Variants in FBXL7 observed in about 807,000 individuals in gnomAD.
The protein encoded by FBXL7 is F-box and leucine rich repeat protein 7.
FBXL7 carries 12 observed loss-of-function variants against 38.3 expected under a neutral mutation model. The ratio of observed to expected loss-of-function variants is 0.31; its 90% confidence interval spans 0.20 to 0.51. FBXL7 has a LOEUF of 0.51. Among genes scored for constraint, FBXL7 ranks in the 20% least tolerant of loss-of-function variants. The pLI is 0.98. For missense variants in FBXL7, 567 were observed against 676.4 expected (o/e 0.84, Z 1.79); for synonymous variants, 297 against 300.9 (o/e 0.99, Z 0.13).
rs144957859 is a variant in FBXL7 at position 15,837,048 on chromosome 5, A to G, written c.128-90842A>G. ...AATATCCAGAATTAGATAGAATTAC[A>G]TAGTATATGGCTGAAATATTGTGTC... is the stretch of plus-strand genomic sequence containing the variant. On this transcript the variant is annotated intron_variant, in intron 2 of 3. Transcript: ENST00000504595. Among the ~76,000 whole-genome samples the G allele has an allele frequency of 2.4e-3, 368 of 152,288 alleles. 2 individuals are homozygous for G. Among genetic ancestry groups the G allele is most frequent in the African/African-American group, 8.4e-3 (351 of 41,566 alleles).
At chr5:15,787,709 A>G (rs1487266958) in intron 2 of FBXL7, among the ~76,000 whole-genome samples, 2 of 152,184 alleles carry the variant, frequency 1.3e-5, no homozygotes, top group Non-Finnish European at 2.9e-5. Flanking sequence ...GAATTACTGC[A>G]AGGAAAGAAA....
chr5:15,700,082 G>A (rs140018852), intron 2 of FBXL7, among the ~76,000 whole-genome samples: 9 of 152,306 alleles, frequency 5.9e-5, no homozygotes, highest in African/African-American at 1.9e-4. Flanking sequence ...AATTAAAGGT[G>A]TTGTCGATGT....
In FBXL7 at chr5:15,519,826, G is replaced by A. The variant is rs541045918; in HGVS notation, c.37+19113G>A. ...TCCTATCCCCTTTTGTTACAGGAAA[G>A]GAGTCCAGATCCAGACCCTAAGAGA... On this transcript the variant is annotated intron_variant, in intron 1 of 3. Transcript: ENST00000504595. Among the ~76,000 whole-genome samples, 12 of 152,296 alleles carry A rather than the reference G, an allele frequency of 7.9e-5. No individual in the cohort carries two copies. In the Middle Eastern group the frequency reaches 0.01, roughly 130 times the overall value.
chr5:15,670,820 A>G (rs1363713423), intron 2 of FBXL7, among the ~76,000 whole-genome samples: 1 of 149,190 alleles, frequency 6.7e-6, no homozygotes, highest in Non-Finnish European at 1.5e-5. Flanking sequence ...AAAAATAAAA[A>G]TAAAAAAAAA....
intron 2 of FBXL7, among the ~76,000 whole-genome samples, chr5:15,798,261 T>C (rs1399219983): frequency 6.6e-6 from 1 of 152,152 alleles, no homozygotes; most frequent in East Asian, 1.9e-4. Context: ...GCCAGGCCCC[T>C]CCACCGCTCT....
intron 2 of FBXL7, among the ~76,000 whole-genome samples, chr5:15,885,921 G>A (rs1030209806): frequency 5.3e-5 from 8 of 151,578 alleles, no homozygotes; most frequent in South Asian, 4.2e-4. Flanking sequence ...AGGTTTCACC[G>A]TGTAGCCCAG....
At chr5:15,638,295 A>G (rs1206997036) in intron 2 of FBXL7, among the ~76,000 whole-genome samples, 2 of 152,168 alleles carry the variant, frequency 1.3e-5, no homozygotes, top group East Asian at 1.9e-4. Context: ...ATTGGAACAT[A>G]GGGTTGTTCC....
intron 2 of FBXL7, among the ~76,000 whole-genome samples, chr5:15,856,536 C>T (rs1470635501): frequency 6.6e-6 from 1 of 151,708 alleles, no homozygotes; most frequent in Non-Finnish European, 1.5e-5. Flanking sequence ...GCACATGTAC[C>T]CCCAAACTGA....
At chr5:15,831,229 A>G (rs257736) in intron 2 of FBXL7, among the ~76,000 whole-genome samples, 72,157 of 151,988 alleles carry the variant, frequency 0.47, 20,485 homozygotes, top group Non-Finnish European at 0.63. Context: ...GTTTTGTCTC[A>G]GGTATCTGAG....
At chr5:15,815,427 C>G (rs1737988254) in intron 2 of FBXL7, among the ~76,000 whole-genome samples, 1 of 152,168 alleles carries the variant, frequency 6.6e-6, no homozygotes, top group Non-Finnish European at 1.5e-5. Context: ...ATGATGTTAG[C>G]AACTTTTCCT....
chr5:15,694,891 C>T (rs4702101), intron 2 of FBXL7, among the ~76,000 whole-genome samples: 17 of 152,054 alleles, frequency 1.1e-4, no homozygotes, highest in South Asian at 2.1e-4. Context: ...GAAGAACAGC[C>T]GAGTAAGGTT....
chr5:15,897,147 T>C (rs2126401343), intron 2 of FBXL7, among the ~76,000 whole-genome samples: 1 of 152,230 alleles, frequency 6.6e-6, no homozygotes, highest in East Asian at 1.9e-4. Flanking sequence ...TATATATACG[T>C]ATATATTTTT....
intron 2 of FBXL7, among the ~76,000 whole-genome samples, chr5:15,634,278 A>G (rs1269545476): frequency 6.7e-6 from 1 of 148,752 alleles, no homozygotes; most frequent in African/African-American, 2.5e-5. Flanking sequence ...CTATTATTGC[A>G]TAACAAATCA....
chr5:15,688,956 G>C (rs1388272748), intron 2 of FBXL7, among the ~76,000 whole-genome samples: 1 of 152,192 alleles, frequency 6.6e-6, no homozygotes, highest in Non-Finnish European at 1.5e-5. Context: ...TGGGTAATTG[G>C]TTCAGAAAGA....
At chr5:15,775,835 T>G (rs1013694146) in intron 2 of FBXL7, among the ~76,000 whole-genome samples, 1 of 152,172 alleles carries the variant, frequency 6.6e-6, no homozygotes, top group African/African-American at 2.4e-5. Context: ...AAATCCTGAT[T>G]ATTCTCCTGC....
At chr5:15,594,269 A>T (rs1285956409) in intron 1 of FBXL7, among the ~76,000 whole-genome samples, 1 of 152,172 alleles carries the variant, frequency 6.6e-6, no homozygotes, top group Non-Finnish European at 1.5e-5. Flanking sequence ...TTTTCATTGA[A>T]CGTGGAGGGC....
In FBXL7 at chr5:15,742,029, G is replaced by A. The variant is rs114075473; in HGVS notation, c.127+125957G>A. ...CCAATTCACTGTCGGGGAAGTAGAC[G>A]AATAAATTATTAAATGCGCATATGT... On this transcript the variant is annotated intron_variant, in intron 2 of 3. Transcript: ENST00000504595. Among the ~76,000 whole-genome samples the A allele has an allele frequency of 4.2e-3, 632 of 152,204 alleles. 3 individuals are homozygous for A. Among genetic ancestry groups the A allele is most frequent in the Middle Eastern group, 0.017 (5 of 294 alleles).
At chr5:15,770,211 T>C (rs1002910468) in intron 2 of FBXL7, among the ~76,000 whole-genome samples, 2 of 152,162 alleles carry the variant, frequency 1.3e-5, no homozygotes, top group African/African-American at 4.8e-5. Context: ...TTGCCTGTGG[T>C]TTCTTGCCAT....
intron 2 of FBXL7, among the ~76,000 whole-genome samples, chr5:15,640,073 G>C (rs2126554457): frequency 1.3e-5 from 2 of 152,252 alleles, no homozygotes; most frequent in Middle Eastern, 6.8e-3. Context: ...TGTCTGGAGT[G>C]GTAAAGATTG....
Sources: gnomAD v4.1 joint callset for allele counts (sites outside exome capture counted in the v4.1 genomes callset) on GRCh38, gnomAD v4.1.1 for gene constraint, MANE v1.5 for transcripts, NCBI Gene and HGNC (gene_info 2026-07-23, HGNC 2026-07-21) for gene names.